SLIT2: variants seen among roughly 807,000 people sequenced by gnomAD.
The protein encoded by SLIT2 is slit homolog 2 protein.
In SLIT2, 41 loss-of-function variants were observed where a neutral mutation model predicts 185.7. That is an observed-to-expected ratio of 0.22 (90% CI 0.17 to 0.29). The LOEUF is 0.29. Among genes scored for constraint, SLIT2 ranks in the 10% least tolerant of loss-of-function variants. The pLI, the probability that SLIT2 is intolerant of heterozygous loss-of-function variation, is 1.00. For missense variants in SLIT2, 1,571 were observed against 1,909.0 expected (o/e 0.82, Z 3.30); for synonymous variants, 693 against 680.2 (o/e 1.02, Z -0.29).
intron 33 of SLIT2, among the ~76,000 whole-genome samples, chr4:20,604,928 C>T (rs565705940): frequency 1.4e-4 from 21 of 152,024 alleles, no homozygotes; most frequent in South Asian, 1.0e-3. Flanking sequence ...CTCCACCTCC[C>T]GGGTTCAAGC....
At chr4:20,479,417 A>G (rs1156417437) in intron 5 of SLIT2, among the ~76,000 whole-genome samples, 1 of 152,166 alleles carries the variant, frequency 6.6e-6, no homozygotes, top group East Asian at 1.9e-4. Flanking sequence ...TGAATGCTGA[A>G]CTTGAAACGA....
At chr4:20,611,489 A>G (rs1385235913) in intron 34 of SLIT2, among the ~76,000 whole-genome samples, 2 of 152,264 alleles carry the variant, frequency 1.3e-5, no homozygotes, top group African/African-American at 4.8e-5. Flanking sequence ...ATGCAGAGGC[A>G]TCTTCAAGTA....
intron 4 of SLIT2, among the ~76,000 whole-genome samples, chr4:20,282,051 G>A (rs540820041): frequency 6.3e-4 from 96 of 152,254 alleles, no homozygotes; most frequent in Non-Finnish European, 1.1e-3. Context: ...TTCTGTTGCC[G>A]TAAAATGGGA....
At chr4:20,273,869 G>A (rs540258660) in intron 4 of SLIT2, among the ~76,000 whole-genome samples, 1 of 152,142 alleles carries the variant, frequency 6.6e-6, no homozygotes, top group Admixed American at 6.5e-5. Flanking sequence ...AGGTGCCATC[G>A]TTTCCTGCTT....
chr4:20,602,299 T>C (rs1292749423), intron 33 of SLIT2, among the ~76,000 whole-genome samples: 1 of 152,204 alleles, frequency 6.6e-6, no homozygotes, highest in Non-Finnish European at 1.5e-5. Context: ...AGACAGCCTC[T>C]TTGAAAACAC....
intron 23 of SLIT2, 88 bp from the exon 24 acceptor site, chr4:20,548,969 T>C: frequency 1.3e-6 from 1 of 746,174 alleles, no homozygotes; most frequent in Non-Finnish European, 2.4e-6. Flanking sequence ...ATAAGATGCT[T>C]TAATAAGCCT....
intron 4 of SLIT2, among the ~76,000 whole-genome samples, chr4:20,384,667 G>A (rs1194568311): frequency 1.3e-5 from 2 of 152,078 alleles, no homozygotes; most frequent in Non-Finnish European, 2.9e-5. Flanking sequence ...TATTATTTTA[G>A]AAAGGAACCG....
intron 25 of SLIT2, among the ~76,000 whole-genome samples, chr4:20,551,142 C>A (rs1455790764): frequency 6.6e-6 from 1 of 152,194 alleles, no homozygotes; most frequent in Non-Finnish European, 1.5e-5. Context: ...GTCTCTTCTA[C>A]AAATATGGCT....
intron 33 of SLIT2, among the ~76,000 whole-genome samples, chr4:20,602,882 A>G (rs1002277845): frequency 1.6e-4 from 24 of 152,120 alleles, no homozygotes; most frequent in African/African-American, 5.8e-4. Context: ...CCAGTTGTTA[A>G]ACATTTGCCA....
chr4:20,336,786 G>T (rs1720543478), intron 4 of SLIT2, among the ~76,000 whole-genome samples: 1 of 152,218 alleles, frequency 6.6e-6, no homozygotes, highest in Admixed American at 6.5e-5. Flanking sequence ...GTGAGGGGCT[G>T]CCTGCAGCCC....
intron 26 of SLIT2, among the ~76,000 whole-genome samples, chr4:20,562,219 T>C (rs1438646883): frequency 1.3e-5 from 2 of 151,860 alleles, no homozygotes; most frequent in African/African-American, 2.4e-5. Flanking sequence ...TTTTTACTTA[T>C]CTTTATTTGC....
intron 4 of SLIT2, among the ~76,000 whole-genome samples, chr4:20,381,916 TA>T: frequency 7.7e-6 from 1 of 130,084 alleles, no homozygotes; most frequent in Non-Finnish European, 1.8e-5. Context: ...TATGTATTTG[TA>T]TAAATACATA....
intron 12 of SLIT2, among the ~76,000 whole-genome samples, chr4:20,521,519 C>A (rs1190310470): frequency 6.6e-6 from 1 of 152,198 alleles, no homozygotes; most frequent in African/African-American, 2.4e-5. Context: ...TCAGTTTCCT[C>A]AGGCTCCACA....
chr4:20,378,105 A>C (rs1186711086), intron 4 of SLIT2, among the ~76,000 whole-genome samples: 2 of 150,128 alleles, frequency 1.3e-5, no homozygotes, highest in Admixed American at 6.6e-5. Flanking sequence ...CAAATAAATT[A>C]ATTATGATTG....
intron 4 of SLIT2, among the ~76,000 whole-genome samples, chr4:20,449,686 C>T (rs557842247): frequency 2.7e-3 from 404 of 152,150 alleles, no homozygotes; most frequent in Non-Finnish European, 3.6e-3. Context: ...GGATTACACG[C>T]GTGAGCCACC....
chr4:20,599,984 A>T (rs1296465731), intron 33 of SLIT2, among the ~76,000 whole-genome samples: 1 of 152,218 alleles, frequency 6.6e-6, no homozygotes, highest in Non-Finnish European at 1.5e-5. Flanking sequence ...GGAGCATGGA[A>T]ACAAACACAT....
At position 20,616,930 on chromosome 4, in the gene SLIT2, G is replaced by A. The variant is rs772853653; in HGVS notation, c.3868G>A (p.Val1290Met). Residue 1290 changes from valine (V) to methionine (M), a missense_variant, in exon 35 of 37, where the codon GTG becomes ATG. Physicochemically the swap from Val to Met is conservative, Grantham distance 21. Transcript: ENST00000504154. ...YVGGMPGKSN[V>M]ASLRQAPGQN... ...CCCAGGCATGCCAGGGAAGAGTAACGTGGCATCTCTGCGCCAGGCCCCTGG... is the reference window on the plus strand; with the variant it reads ...CCCAGGCATGCCAGGGAAGAGTAACATGGCATCTCTGCGCCAGGCCCCTGG... 6.7e-5 allele frequency: 107 copies of A among 1,603,568 alleles called. No individual in the cohort carries two copies. The South Asian group carries it at 1.0e-3, about 15-fold the overall frequency.
At chr4:20,360,560 A>C (rs4368605) in intron 4 of SLIT2, among the ~76,000 whole-genome samples, 1 of 152,212 alleles carries the variant, frequency 6.6e-6, no homozygotes, top group East Asian at 1.9e-4. Flanking sequence ...GAAGCATAGA[A>C]TGACTCAATA....
chr4:20,541,425 CTG>C (rs1272116930), intron 19 of SLIT2, 26 bp from the exon 20 acceptor site: 9 of 1,608,840 alleles, frequency 5.6e-6, no homozygotes, highest in Non-Finnish European at 7.7e-6. Context: ...CCAGGCTAAA[CTG>C]TGCATCGTTT....
Sources: allele counts gnomAD v4.1 joint callset (sites outside exome capture counted in the v4.1 genomes callset), GRCh38; gene constraint gnomAD v4.1.1; transcripts MANE v1.5; gene names NCBI Gene and HGNC (gene_info 2026-07-23, HGNC 2026-07-21).